The following CUBN variants were observed in gnomAD, a reference collection of about 807,000 sequenced individuals.
The protein encoded by CUBN is 460 kDa receptor.
CUBN carries 282 observed loss-of-function variants against 405.3 expected under a neutral mutation model. That is an observed-to-expected ratio of 0.70 (90% CI 0.63 to 0.77). The LOEUF (loss-of-function observed/expected upper bound fraction) is 0.77. Ranked by LOEUF, CUBN falls within the 30% of genes least tolerant of loss-of-function variation. The probability of loss-of-function intolerance (pLI) is 0.00; values close to 1 mark genes in which losing one functional copy is unlikely to be tolerated. For missense variants in CUBN, 4,514 were observed against 4,475.2 expected, an observed-to-expected ratio of 1.01 and a Z score of -0.25; for synonymous variants, 1,684 against 1,617.0, an observed-to-expected ratio of 1.04 and a Z score of -0.99.
At chr10:16,973,741 A>G (rs2131676284) in intron 31 of CUBN, among the ~76,000 whole-genome samples, 1 of 152,258 alleles carries the variant, frequency 6.6e-6, no homozygotes, top group African/African-American at 2.4e-5. Flanking sequence ...AACATGCAGT[A>G]TTTAGTTTTC....
At chr10:16,836,589 G>A (rs1839176658) in intron 62 of CUBN, among the ~76,000 whole-genome samples, 1 of 152,250 alleles carries the variant, frequency 6.6e-6, no homozygotes, top group Admixed American at 6.5e-5. Flanking sequence ...AGGAAGGGAG[G>A]CAAAGCTTCT....
intron 44 of CUBN, among the ~76,000 whole-genome samples, chr10:16,919,129 T>C (rs1270112164): frequency 6.6e-6 from 1 of 152,252 alleles, no homozygotes; most frequent in Non-Finnish European, 1.5e-5. Flanking sequence ...AACAAATATT[T>C]TGTTCCACAC....
chr10:17,129,366 A>T, intron 1 of CUBN, 116 bp from the exon 2 acceptor site: 1 of 1,243,988 alleles, frequency 8.0e-7, no homozygotes, highest in Admixed American at 1.9e-5. Context: ...CTTTTTGATC[A>T]TCTCAACCCA....
In CUBN at chr10:17,088,327, G is replaced by T; in HGVS notation, c.1784C>A (p.Thr595Asn). Reference protein sequence around the residue: ...TQQPECGGILTGPYGSIKSPG... With the variant: ...TQQPECGGILNGPYGSIKSPG... ...AGACTTAATAGAACCGTAAGGACCA[G>T]TCAGGATACCTCCACACTCTAAAAT... Residue 595 changes from threonine (T) to asparagine (N), a missense_variant, in exon 15 of 67, where the codon ACT (threonine) becomes AAT (asparagine). By Grantham distance (65) the Thr-to-Asn change is moderately conservative (BLOSUM62 0). Coordinates refer to ENST00000377833, the MANE Select transcript of CUBN (RefSeq NM_001081.4). 6.2e-7 allele frequency: 1 copy of T among 1,611,830 alleles called. No homozygotes were observed. The highest frequency in any genetic ancestry group is 8.5e-7 in the Non-Finnish European group (1 of 1,177,982).
intron 60 of CUBN, among the ~76,000 whole-genome samples, chr10:16,844,700 A>G (rs956017311): frequency 1.1e-4 from 17 of 152,232 alleles, no homozygotes; most frequent in African/African-American, 4.1e-4. Flanking sequence ...GATAACTGAC[A>G]TAGGAGGCTC....
intron 16 of CUBN, 109 bp from the exon 17 acceptor site, chr10:17,084,570 A>C: frequency 1.1e-6 from 1 of 881,096 alleles, no homozygotes; most frequent in Non-Finnish European, 1.8e-6. Context: ...ACACAAGCAC[A>C]TATCCATTTT....
At chr10:16,834,609 T>C (rs1205384461) in intron 64 of CUBN, among the ~76,000 whole-genome samples, 2 of 152,232 alleles carry the variant, frequency 1.3e-5, no homozygotes, top group Non-Finnish European at 2.9e-5. Flanking sequence ...TTTAGTATCA[T>C]TGAGCTTCAT....
chr10:16,931,316 A>AT (rs1343069223), intron 40 of CUBN, among the ~76,000 whole-genome samples: 9 of 152,196 alleles, frequency 5.9e-5, no homozygotes, highest in African/African-American at 2.2e-4. Flanking sequence ...CAATGTGTAA[A>AT]TGACTACAAT....
At chr10:17,053,871 C>A (rs542958037) in intron 22 of CUBN, among the ~76,000 whole-genome samples, 1 of 152,190 alleles carries the variant, frequency 6.6e-6, no homozygotes, top group African/African-American at 2.4e-5. Flanking sequence ...GAAAGTATAT[C>A]ATTTAACCAC....
chr10:16,884,819 C>A (rs867148258), intron 56 of CUBN, among the ~76,000 whole-genome samples: 37 of 152,242 alleles, frequency 2.4e-4, no homozygotes, highest in African/African-American at 7.9e-4. Flanking sequence ...CTTTTCCTTG[C>A]CAATCCCACC....
At position 17,082,051 on chromosome 10, in the gene CUBN, G is replaced by A. The variant is rs144171041; in HGVS notation, c.2301+2220C>T. ...TACATCAGAATGTAGATACCTCGCT[G>A]GCCAACTGTGACAGCCACATCGGCT... On this transcript the variant is annotated intron_variant, in intron 17 of 66. Transcript: ENST00000377833. Among the ~76,000 whole-genome samples the A allele has an allele frequency of 1.9e-3, 283 of 152,252 alleles. 1 individual carries two copies. Among genetic ancestry groups the A allele is most frequent in the African/African-American group, 6.4e-3 (267 of 41,548 alleles).
chr10:17,046,962 A>G lies in CUBN; in HGVS notation c.3329+452T>C, dbSNP rs563836545. On this transcript the variant is annotated intron_variant, in intron 23 of 66. Transcript: ENST00000377833. ...AATAATGCCTTGTACTGAAATTCAC[A>G]AGCCTAGACTTTTATTACCTGAACA... 5.9e-5 allele frequency among the ~76,000 whole-genome samples: 9 copies of G among 152,312 alleles called. No homozygotes were observed. In the East Asian group the frequency reaches 1.7e-3, roughly 29 times the overall value.
intron 2 of CUBN, among the ~76,000 whole-genome samples, chr10:17,128,460 T>C (rs1488226662): frequency 6.6e-6 from 1 of 152,190 alleles, no homozygotes; most frequent in Non-Finnish European, 1.5e-5. Flanking sequence ...TATTGGGAAA[T>C]GAAAACACCC....
intron 31 of CUBN, among the ~76,000 whole-genome samples, chr10:16,981,392 A>C (rs1833268276): frequency 6.6e-6 from 1 of 151,912 alleles, no homozygotes; most frequent in Admixed American, 6.6e-5. Context: ...ACCACCCTTC[A>C]ATTTGTTCGT....
chr10:16,947,165 T>G, intron 36 of CUBN, 70 bp downstream of exon 36: 3 of 1,523,272 alleles, frequency 2.0e-6, no homozygotes, highest in Non-Finnish European at 2.7e-6. Context: ...TTGCCCATCC[T>G]ATTAGCACCA....
At chr10:17,044,138 TATTC>T (rs1407895459) in intron 25 of CUBN, among the ~76,000 whole-genome samples, 155 bp from the exon 26 acceptor site, 2 of 144,988 alleles carry the variant, frequency 1.4e-5, no homozygotes, top group East Asian at 1.9e-4. Flanking sequence ...ATATTATAAA[TATTC>T]ATTATATATA....
At chr10:16,847,745 A>G (rs887207491) in intron 60 of CUBN, among the ~76,000 whole-genome samples, 1 of 152,326 alleles carries the variant, frequency 6.6e-6, no homozygotes, top group East Asian at 1.9e-4. Context: ...TGATTCAGTT[A>G]CCGTAATTAC....
chr10:16,892,544 C>T (rs553808723), intron 54 of CUBN, among the ~76,000 whole-genome samples: 41 of 152,028 alleles, frequency 2.7e-4, no homozygotes, highest in Non-Finnish European at 5.3e-4. Context: ...CAGGCTGGAG[C>T]GCAGTGGCAC....
chr10:16,990,311 GA>G (rs755860932), intron 29 of CUBN, 22 bp downstream of exon 29: 3 of 1,613,176 alleles, frequency 1.9e-6, no homozygotes, highest in Non-Finnish European at 8.5e-7. Flanking sequence ...GGAATGTGCT[GA>G]AAAAACCATC....
Sources: gnomAD v4.1 joint callset for allele counts (sites outside exome capture counted in the v4.1 genomes callset) on GRCh38, gnomAD v4.1.1 for gene constraint, MANE v1.5 for transcripts, NCBI Gene and HGNC (gene_info 2026-07-23, HGNC 2026-07-21) for gene names.